The following PDE3A variants were observed in gnomAD, a reference collection of about 807,000 sequenced individuals.
PDE3A encodes the protein cGMP-inhibited 3',5'-cyclic phosphodiesterase 3A.
A neutral mutation model predicts 98.3 loss-of-function variants in PDE3A; 43 were observed. The observed-to-expected ratio is 0.44, with a 90% confidence interval of 0.34 to 0.56. The LOEUF is 0.56. Ranked by LOEUF, PDE3A falls within the 20% of genes least tolerant of loss-of-function variation. The pLI, the probability that PDE3A is intolerant of heterozygous loss-of-function variation, is 0.01. For missense variants in PDE3A, 1,427 were observed against 1,440.7 expected (o/e 0.99, Z 0.15); for synonymous variants, 663 against 567.9 (o/e 1.17, Z -2.38).
chr12:20,635,203 G>A (rs11045352), intron 8 of PDE3A, 147 bp downstream of exon 8: 49,859 of 649,434 alleles, frequency 0.077, 2,265 homozygotes, highest in South Asian at 0.12. Context: ...GGCAGATCAC[G>A]AGGTCAGGAG....
chr12:20,428,424 C>T (rs1205529234), intron 1 of PDE3A, among the ~76,000 whole-genome samples: 4 of 151,852 alleles, frequency 2.6e-5, no homozygotes, highest in African/African-American at 4.8e-5. Flanking sequence ...CGACTACAGG[C>T]GCCCGCCGCC....
intron 2 of PDE3A, among the ~76,000 whole-genome samples, chr12:20,612,200 G>A (rs1018594067): frequency 6.6e-6 from 1 of 151,412 alleles, no homozygotes; most frequent in East Asian, 1.9e-4. Context: ...AATGAAAGTT[G>A]TTTTTATTAT....
intron 1 of PDE3A, among the ~76,000 whole-genome samples, chr12:20,392,506 C>CATAAATAA (rs549745332): frequency 1.3e-4 from 15 of 115,022 alleles, no homozygotes; most frequent in Non-Finnish European, 9.3e-5. Context: ...GATCCTGTCT[C>CATAAATAA]ATAAATAAAT....
At chr12:20,519,499 G>A (rs1946383713) in intron 1 of PDE3A, among the ~76,000 whole-genome samples, 1 of 152,160 alleles carries the variant, frequency 6.6e-6, no homozygotes, top group African/African-American at 2.4e-5. Context: ...TGTGCTCATA[G>A]AACACATTGT....
intron 1 of PDE3A, chr12:20,371,243 A>G (rs1943468519): frequency 2.5e-6 from 1 of 399,626 alleles, no homozygotes; most frequent in South Asian, 1.0e-4. Flanking sequence ...GCATAAAGGA[A>G]CAAATCCCAA....
At chr12:20,648,664 C>G (rs756443781) in intron 12 of PDE3A, 24 bp from the exon 13 acceptor site, 1 of 1,471,972 alleles carries the variant, frequency 6.8e-7, no homozygotes, top group Non-Finnish European at 9.5e-7. Flanking sequence ...AAAAGTTGAA[C>G]TCTTAACTGT....
chr12:20,378,976 T>C (rs1383745957), intron 1 of PDE3A, among the ~76,000 whole-genome samples: 1 of 151,802 alleles, frequency 6.6e-6, no homozygotes, highest in Non-Finnish European at 1.5e-5. Context: ...TGTTAGAATA[T>C]TGAAATAATT....
At chr12:20,461,757 T>A (rs552631186) in intron 1 of PDE3A, among the ~76,000 whole-genome samples, 1 of 152,322 alleles carries the variant, frequency 6.6e-6, no homozygotes, top group East Asian at 1.9e-4. Flanking sequence ...TGTAGCAAAT[T>A]GTAATGAATT....
intron 1 of PDE3A, among the ~76,000 whole-genome samples, chr12:20,406,678 A>C (rs914585590): frequency 6.6e-6 from 1 of 151,820 alleles, no homozygotes; most frequent in Non-Finnish European, 1.5e-5. Flanking sequence ...TTCATTGATC[A>C]CTTCCTTTGT....
chr12:20,488,185 T>C (rs1945764332), intron 1 of PDE3A, among the ~76,000 whole-genome samples: 1 of 151,994 alleles, frequency 6.6e-6, no homozygotes, highest in Non-Finnish European at 1.5e-5. Context: ...CCAGTCAACC[T>C]CTCTCTTTTT....
intron 2 of PDE3A, among the ~76,000 whole-genome samples, chr12:20,562,244 C>T (rs1474459951): frequency 3.3e-5 from 4 of 120,112 alleles, no homozygotes; most frequent in Admixed American, 2.1e-4. Flanking sequence ...TTTTTGGAGA[C>T]GGAGTCCGGC....
chr12:20,431,883 A>G (rs528865481), intron 1 of PDE3A, among the ~76,000 whole-genome samples: 1 of 152,312 alleles, frequency 6.6e-6, no homozygotes, highest in African/African-American at 2.4e-5. Flanking sequence ...TAAGGTTCGT[A>G]AGTTTTTGTT....
rs529594144 is a variant in PDE3A at position 20,620,915 on chromosome 12, CACTT to C, written c.1425-378_1425-375del. Among the ~76,000 whole-genome samples, 38 of 152,050 alleles carry C rather than the reference CACTT, an allele frequency of 2.5e-4. 1 individual carries two copies. In the East Asian group the frequency reaches 7.2e-3, roughly 29 times the overall value. ...TAGAGTACTGAAGTAAACATTATGA[CACTT>C]ACAGCTTATGTAAATTCACCCGCAT... On this transcript the variant is annotated intron_variant, in intron 4 of 15. Coordinates refer to ENST00000359062, the MANE Select transcript of PDE3A (RefSeq NM_000921.5).
chr12:20,571,796 C>A, intron 2 of PDE3A: 1 of 381,144 alleles, frequency 2.6e-6, no homozygotes, highest in Non-Finnish European at 3.6e-6. Context: ...ATGCATTTAT[C>A]ATAGAACTTA....
At chr12:20,529,138 G>C (rs1033296840) in intron 1 of PDE3A, among the ~76,000 whole-genome samples, 1 of 152,270 alleles carries the variant, frequency 6.6e-6, no homozygotes, top group Admixed American at 6.5e-5. Context: ...AAATCTACCA[G>C]AAGAATCATA....
In PDE3A at chr12:20,584,672, G is replaced by A. The variant is rs138220630; in HGVS notation, c.1011+27962G>A. On this transcript the variant is annotated intron_variant, in intron 2 of 15. Transcript: ENST00000359062. Reference sequence around the variant, plus strand: ...CCTTAGGAATAACTCAGAAGAATATGGCTATGAATTTGAGATGTTTTATTT... The same window carrying A: ...CCTTAGGAATAACTCAGAAGAATATAGCTATGAATTTGAGATGTTTTATTT... 7.0e-4 allele frequency among the ~76,000 whole-genome samples: 106 copies of A among 152,246 alleles called. 1 individual carries two copies. Among genetic ancestry groups the A allele is most frequent in the African/African-American group, 2.5e-3 (104 of 41,542 alleles).
chr12:20,399,101 CT>C (rs1257068656), intron 1 of PDE3A, among the ~76,000 whole-genome samples: 2 of 152,152 alleles, frequency 1.3e-5, no homozygotes, highest in Non-Finnish European at 2.9e-5. Flanking sequence ...GCTTAGTTTA[CT>C]TGGCATAATG....
At position 20,369,724 on chromosome 12, in the gene PDE3A, G is replaced by T. The variant is rs138448528; in HGVS notation, c.440G>T (p.Gly147Val). The stretch of plus-strand genomic sequence containing the variant: ...CTCCTGTGTGCCTTCTTCTGGATGG[G>T]CTTGTACCTCCTGCGCGCCGGGGTG... ...FSLLCAFFWMGLYLLRAGVRL... is the reference protein window; with the variant it reads ...FSLLCAFFWMVLYLLRAGVRL... Residue 147 changes from glycine (G) to valine (V), a missense_variant, in exon 1 of 16, where the codon GGC (glycine) becomes GTC (valine). By Grantham distance (109) the Gly-to-Val change is moderately radical. This residue lies in a region of PDE3A where 1,012 missense variants were observed against 886.5 expected (regional missense o/e 1.14). Coordinates refer to ENST00000359062, the MANE Select transcript of PDE3A (RefSeq NM_000921.5). 6.2e-6 allele frequency: 10 copies of T among 1,612,234 alleles called. No individual in the cohort carries two copies. Among genetic ancestry groups the T allele is most frequent in the Non-Finnish European group, 7.6e-6 (9 of 1,179,716 alleles).
chr12:20,463,846 G>T (rs756444399), intron 1 of PDE3A, among the ~76,000 whole-genome samples: 15 of 152,090 alleles, frequency 9.9e-5, no homozygotes, highest in Non-Finnish European at 1.9e-4. Flanking sequence ...TAGTTCCTTT[G>T]TTTTGTGTCT....
Sources: gnomAD v4.1 joint callset for allele counts (sites outside exome capture counted in the v4.1 genomes callset) on GRCh38, gnomAD v4.1.1 for gene constraint, gnomAD v4.1.1 regional missense constraint, MANE v1.5 for transcripts, NCBI Gene and HGNC (gene_info 2026-07-23, HGNC 2026-07-21) for gene names.